COL4A4: variants seen among roughly 807,000 people sequenced by gnomAD.
COL4A4 encodes the protein collagen alpha-4(IV) chain.
Under a neutral mutation model 192.9 loss-of-function variants are expected in COL4A4, and 105 were observed. The ratio of observed to expected loss-of-function variants is 0.54; its 90% confidence interval spans 0.46 to 0.64. The LOEUF is 0.64. Among genes scored for constraint, COL4A4 ranks in the 30% least tolerant of loss-of-function variants. The probability of loss-of-function intolerance (pLI) is 0.00; values close to 1 mark genes in which losing one functional copy is unlikely to be tolerated. For synonymous variants in COL4A4, 762 were observed against 769.9 expected (o/e 0.99, Z 0.17); for missense variants, 1,967 against 2,169.3 (o/e 0.91, Z 1.85).
chr2:227,159,345 G>C lies in COL4A4; in HGVS notation c.-102+4662C>G, dbSNP rs1015059971. Among the ~76,000 whole-genome samples the C allele has an allele frequency of 2.0e-5, 3 of 152,214 alleles. No individual in the cohort carries two copies. In the South Asian group the frequency reaches 6.2e-4, roughly 31 times the overall value. On this transcript the variant is annotated intron_variant, in intron 1 of 47. Coordinates refer to ENST00000396625, the MANE Select transcript of COL4A4 (RefSeq NM_000092.5). ...GGAAAGAGGGATGGATAGCAAAGAGGCAGAAAGAAACTTCTGGGAGTGATA... is the reference window on the plus strand; with the variant it reads ...GGAAAGAGGGATGGATAGCAAAGAGCCAGAAAGAAACTTCTGGGAGTGATA...
chr2:227,082,272 C>T, intron 22 of COL4A4, 85 bp from the exon 23 acceptor site: 3 of 1,180,500 alleles, frequency 2.5e-6, no homozygotes, highest in East Asian at 4.7e-5. Flanking sequence ...CTCTCTTCTT[C>T]CCTCCTAAAT....
chr2:227,033,477 G>A lies in COL4A4; in HGVS notation c.3510C>T (p.Pro1170=), dbSNP rs1269458234. 2 of 1,612,942 alleles carry A rather than the reference G, an allele frequency of 1.2e-6. No individual in the cohort carries two copies. The highest frequency in any genetic ancestry group is 1.7e-6 in the Non-Finnish European group (2 of 1,179,940). The change falls in exon 38 of 48, where the codon CCC becomes CCT. Residue 1170 remains proline, a synonymous_variant. Coordinates refer to ENST00000396625, the MANE Select transcript of COL4A4 (RefSeq NM_000092.5). ...GIPGPPGIKG[P]SGSPGLNGLH... Reference sequence around the variant, plus strand: ...AGCCGTTCAGGCCAGGTGATCCGGAGGGACCTGAAAAACACCACAGGCCTG... The same window carrying A: ...AGCCGTTCAGGCCAGGTGATCCGGAAGGACCTGAAAAACACCACAGGCCTG...
chr2:227,144,708 C>T (rs970704034), intron 2 of COL4A4, 150 bp from the exon 3 acceptor site: 2 of 660,256 alleles, frequency 3.0e-6, no homozygotes, highest in African/African-American at 3.7e-5. Flanking sequence ...TGACAAGATC[C>T]ATGCTTTCCT....
intron 25 of COL4A4, among the ~76,000 whole-genome samples, chr2:227,073,888 C>A (rs1181192652): frequency 6.6e-6 from 1 of 152,108 alleles, no homozygotes; most frequent in South Asian, 2.1e-4. Flanking sequence ...TCACCTTATA[C>A]AAAAATCAAC....
At chr2:227,126,699 A>G (rs990555053) in intron 4 of COL4A4, among the ~76,000 whole-genome samples, 1 of 152,252 alleles carries the variant, frequency 6.6e-6, no homozygotes, top group Non-Finnish European at 1.5e-5. Context: ...ATAACAGCAC[A>G]AAATCTGTCA....
chr2:227,076,820 G>A (rs2059048117), intron 25 of COL4A4, among the ~76,000 whole-genome samples: 1 of 152,128 alleles, frequency 6.6e-6, no homozygotes, highest in Admixed American at 6.5e-5. Context: ...CAAAAAGTGG[G>A]TGAAGGATAT....
intron 18 of COL4A4, 98 bp from the exon 19 acceptor site, chr2:227,098,896 A>G (rs1044296388): frequency 7.0e-6 from 7 of 1,000,464 alleles, no homozygotes; most frequent in Middle Eastern, 4.1e-4. Flanking sequence ...AAGTATAATT[A>G]GGAGACATTT....
At chr2:227,039,624 T>C (rs886398526) in intron 37 of COL4A4, among the ~76,000 whole-genome samples, 5 of 152,106 alleles carry the variant, frequency 3.3e-5, no homozygotes, top group African/African-American at 9.7e-5. Flanking sequence ...TAAAAATCCT[T>C]GCTGTGTTAC....
intron 3 of COL4A4, among the ~76,000 whole-genome samples, chr2:227,142,211 A>C (rs2063265775): frequency 6.6e-6 from 1 of 152,142 alleles, no homozygotes; most frequent in African/African-American, 2.4e-5. Flanking sequence ...CTACGTAAAC[A>C]TTCCCCAATA....
rs565976713 is a variant in COL4A4 at position 227,076,556 on chromosome 2, A to T, written c.1987+1338T>A. 3.3e-5 allele frequency among the ~76,000 whole-genome samples: 5 copies of T among 152,328 alleles called. No homozygotes were observed. The East Asian group carries it at 9.6e-4, about 29-fold the overall frequency. On this transcript the variant is annotated intron_variant, in intron 25 of 47. Coordinates refer to ENST00000396625, the MANE Select transcript of COL4A4 (RefSeq NM_000092.5). ...AAAACCCTAGAAGAAAACCTAGGCA[A>T]TATCATTCAGGACATAGGCATGGGC... is the stretch of plus-strand genomic sequence containing the variant.
At chr2:226,971,732 T>G in the COL4A4 span, among the ~76,000 whole-genome samples, 2 of 152,196 alleles carry the variant, frequency 1.3e-5, no homozygotes, top group Non-Finnish European at 2.9e-5. Context: ...TTTGTTTTCT[T>G]TAGAATACTG....
At chr2:227,070,414 G>A (rs1185724346) in intron 25 of COL4A4, among the ~76,000 whole-genome samples, 1 of 152,048 alleles carries the variant, frequency 6.6e-6, no homozygotes, top group Admixed American at 6.5e-5. Context: ...AAAGACACAT[G>A]CACACGTATG....
intron 44 of COL4A4, 147 bp from the exon 45 acceptor site, chr2:227,012,444 T>C: frequency 1.4e-6 from 1 of 709,876 alleles, no homozygotes; most frequent in Non-Finnish European, 2.5e-6. Flanking sequence ...GTCTTTGCAA[T>C]GACATGAAGT....
chr2:227,073,931 T>C (rs2058869428), intron 25 of COL4A4, among the ~76,000 whole-genome samples: 1 of 152,082 alleles, frequency 6.6e-6, no homozygotes, highest in Non-Finnish European at 1.5e-5. Flanking sequence ...ATATAAGACC[T>C]GAAACTATCA....
chr2:227,002,958 C>T lies in COL4A4; in HGVS notation c.*4367G>A, dbSNP rs1250401552. On this transcript the variant is annotated 3_prime_UTR_variant, in exon 48 of 48. Coordinates refer to ENST00000396625, the MANE Select transcript of COL4A4 (RefSeq NM_000092.5). ...AAGCATTTCACATGGATGTGGCAGC[C>T]AGCCTTGGTGGTTTAAAATGCATTA... is the stretch of plus-strand genomic sequence containing the variant. 6.6e-6 allele frequency: 1 copy of T among 152,650 alleles called. No homozygotes were observed. Among genetic ancestry groups the T allele is most frequent in the Non-Finnish European group, 1.5e-5 (1 of 68,050 alleles). The allele number at this position is 152,650 out of a possible 1,614,324, so 9.5% of individuals were successfully genotyped here.
In COL4A4 at chr2:227,005,674, T is replaced by G. The variant is rs905846224; in HGVS notation, c.*1651A>C. On this transcript the variant is annotated 3_prime_UTR_variant, in exon 48 of 48. Transcript: ENST00000396625. ...AATGTGTTCTGCATATAAGAGCTCATTACAAATCAAGGTTTGGCAAGGAAA... is the reference window on the plus strand; with the variant it reads ...AATGTGTTCTGCATATAAGAGCTCAGTACAAATCAAGGTTTGGCAAGGAAA... 1 of 152,230 alleles carries G rather than the reference T, an allele frequency of 6.6e-6. No homozygotes were observed. Among genetic ancestry groups the G allele is most frequent in the Non-Finnish European group, 1.5e-5 (1 of 68,038 alleles). The allele number at this position is 152,230 out of a possible 1,614,324, so 9.4% of individuals were successfully genotyped here. A position where few individuals can be genotyped will look rare whatever the true frequency, so the allele number is the denominator to read the frequency against.
chr2:227,160,306 T>C (rs184199221), intron 1 of COL4A4, among the ~76,000 whole-genome samples: 2 of 152,290 alleles, frequency 1.3e-5, no homozygotes, highest in East Asian at 3.9e-4. Flanking sequence ...TTGCCACCTG[T>C]TTCCCACTCT....
At chr2:227,095,819 T>C (rs2060180999) in intron 19 of COL4A4, among the ~76,000 whole-genome samples, 1 of 152,122 alleles carries the variant, frequency 6.6e-6, no homozygotes, top group Non-Finnish European at 1.5e-5. Context: ...CGCTTGAACC[T>C]GAGAGGCGGA....
chr2:227,104,298 C>T (rs974532710), intron 12 of COL4A4: 8 of 418,136 alleles, frequency 1.9e-5, no homozygotes, highest in African/African-American at 6.2e-5. Context: ...GGGCCAGGCG[C>T]GGTGGCTCAC....
Sources: gnomAD v4.1 joint callset for allele counts (sites outside exome capture counted in the v4.1 genomes callset) on GRCh38, gnomAD v4.1.1 for gene constraint, MANE v1.5 for transcripts, NCBI Gene and HGNC (gene_info 2026-07-23, HGNC 2026-07-21) for gene names.